KCNIP1: variants seen among roughly 807,000 people sequenced by gnomAD.
The protein encoded by KCNIP1 is potassium voltage-gated channel interacting protein 1, also known as A-type potassium channel modulatory protein KCNIP1.
KCNIP1 carries 18 observed loss-of-function variants against 33.0 expected under a neutral mutation model. The observed-to-expected ratio is 0.55, with a 90% CI of 0.38 to 0.81. KCNIP1 has a LOEUF of 0.81. KCNIP1 is among the 30% of genes least tolerant of loss of function. KCNIP1 has a pLI of 0.00. For missense variants in KCNIP1, 238 were observed against 271.6 expected, an observed-to-expected ratio of 0.88 and a Z score of 0.87; for synonymous variants, 93 against 98.3, an observed-to-expected ratio of 0.95 and a Z score of 0.32.
chr5:170,530,814 A>G (rs1755761038), intron 1 of KCNIP1, among the ~76,000 whole-genome samples: 1 of 152,166 alleles, frequency 6.6e-6, no homozygotes, highest in South Asian at 2.1e-4. Flanking sequence ...CAGCAGAGGC[A>G]GACAGCTCTG....
intron 1 of KCNIP1, among the ~76,000 whole-genome samples, chr5:170,487,080 A>C (rs1460706758): frequency 1.3e-5 from 2 of 152,202 alleles, no homozygotes; most frequent in African/African-American, 4.8e-5. Context: ...GATTTCCTTT[A>C]AGGAATTGGC....
chr5:170,400,072 A>G (rs951962975), intron 1 of KCNIP1, among the ~76,000 whole-genome samples: 1 of 152,164 alleles, frequency 6.6e-6, no homozygotes, highest in African/African-American at 2.4e-5. Context: ...GCTTTGTTAG[A>G]CCAGGGATTG....
intron 1 of KCNIP1, among the ~76,000 whole-genome samples, chr5:170,363,895 C>T (rs1030379641): frequency 6.6e-6 from 1 of 151,728 alleles, no homozygotes; most frequent in Non-Finnish European, 1.5e-5. Flanking sequence ...GCTCTGGCAG[C>T]CACCACTGTA....
At chr5:170,456,483 A>T (rs937679444) in intron 1 of KCNIP1, among the ~76,000 whole-genome samples, 4 of 152,166 alleles carry the variant, frequency 2.6e-5, no homozygotes, top group East Asian at 1.9e-4. Flanking sequence ...AAATTTTTTT[A>T]AAAAAAGAAA....
chr5:170,435,859 C>T (rs1207864709), intron 1 of KCNIP1, among the ~76,000 whole-genome samples: 3 of 152,086 alleles, frequency 2.0e-5, no homozygotes, highest in Admixed American at 1.3e-4. Context: ...CCCTTTCCTA[C>T]ATCATCTTCT....
intron 1 of KCNIP1, among the ~76,000 whole-genome samples, chr5:170,656,992 C>CTTTTTTTTTTTTTTTTT (rs11397076): frequency 2.6e-5 from 3 of 116,438 alleles, no homozygotes; most frequent in African/African-American, 3.6e-5. Flanking sequence ...TTTTTTCTTT[C>CTTTTTTTTTTTTTTTTT]TTTCTTTTTT....
At chr5:170,616,296 T>A (rs1759367418) in intron 1 of KCNIP1, among the ~76,000 whole-genome samples, 1 of 110,834 alleles carries the variant, frequency 9.0e-6, no homozygotes, top group Admixed American at 1.0e-4. Context: ...AACAATGTTT[T>A]CTGAGCACCT....
intron 1 of KCNIP1, among the ~76,000 whole-genome samples, chr5:170,691,721 C>T (rs977516723): frequency 6.6e-6 from 1 of 152,140 alleles, no homozygotes; most frequent in African/African-American, 2.4e-5. Flanking sequence ...CACACTGGTT[C>T]AGCATTGCCA....
intron 1 of KCNIP1, among the ~76,000 whole-genome samples, chr5:170,587,545 G>A (rs1025632354): frequency 2.0e-5 from 3 of 151,978 alleles, no homozygotes; most frequent in African/African-American, 4.8e-5. Flanking sequence ...TGTTCCTTCC[G>A]GGGGCTCCAG....
At chr5:170,671,701 A>G (rs773178554) in intron 1 of KCNIP1, among the ~76,000 whole-genome samples, 1 of 152,152 alleles carries the variant, frequency 6.6e-6, no homozygotes, top group Admixed American at 6.5e-5. Context: ...AGCCTGGCTC[A>G]TAATAGATGC....
chr5:170,660,095 T>C (rs1020534325), intron 1 of KCNIP1, among the ~76,000 whole-genome samples: 1 of 152,156 alleles, frequency 6.6e-6, no homozygotes, highest in Non-Finnish European at 1.5e-5. Flanking sequence ...ACATAGGACA[T>C]TACCAACTTG....
chr5:170,508,221 A>G (rs1754789548), intron 1 of KCNIP1, among the ~76,000 whole-genome samples: 1 of 152,248 alleles, frequency 6.6e-6, no homozygotes, highest in Non-Finnish European at 1.5e-5. Flanking sequence ...ACTTTCTGAA[A>G]GGGCTGAGCT....
At chr5:170,394,893 C>A (rs1471894086) in intron 1 of KCNIP1, among the ~76,000 whole-genome samples, 1 of 152,192 alleles carries the variant, frequency 6.6e-6, no homozygotes, top group Admixed American at 6.5e-5. Context: ...ATAATGGCCT[C>A]CAGCTGTATC....
chr5:170,463,309 C>T (rs781338714), intron 1 of KCNIP1, among the ~76,000 whole-genome samples: 18 of 152,228 alleles, frequency 1.2e-4, no homozygotes, highest in South Asian at 2.1e-4. Flanking sequence ...GAAGAGGGGA[C>T]ATTTTCCATT....
chr5:170,597,798 T>TG (rs1395511042), intron 1 of KCNIP1, among the ~76,000 whole-genome samples: 2 of 1,698 alleles, frequency 1.2e-3, no homozygotes, highest in South Asian at 0.026. Flanking sequence ...TATATATATA[T>TG]ATATATATAT....
chr5:170,503,971 T>A, upstream of KCNIP1: 10 of 482,414 alleles, frequency 2.1e-5, no homozygotes, highest in South Asian at 9.7e-5. Context: ...GCCCCGCCCC[T>A]CCGTAGTTGC....
intron 1 of KCNIP1, among the ~76,000 whole-genome samples, chr5:170,365,851 G>C (rs1034468890): frequency 1.3e-5 from 2 of 152,212 alleles, no homozygotes; most frequent in South Asian, 2.1e-4. Flanking sequence ...TTAAAGTAAC[G>C]CACTTAAAAG....
chr5:170,709,062 C>T (rs1763357405), intron 1 of KCNIP1, among the ~76,000 whole-genome samples: 1 of 152,068 alleles, frequency 6.6e-6, no homozygotes, highest in South Asian at 2.1e-4. Flanking sequence ...CTTTATGGCC[C>T]AGGAAATGGT....
chr5:170,598,789 G>C (rs545291518), intron 1 of KCNIP1, among the ~76,000 whole-genome samples: 1 of 152,264 alleles, frequency 6.6e-6, no homozygotes. Context: ...GGCCATGTAG[G>C]GGCAGGAGCT....
Sources: gnomAD v4.1 joint callset for allele counts (sites outside exome capture counted in the v4.1 genomes callset) on GRCh38, gnomAD v4.1.1 for gene constraint, MANE v1.5 for transcripts, NCBI Gene and HGNC (gene_info 2026-07-23, HGNC 2026-07-21) for gene names.